The following SPIDR variants were observed in gnomAD, a reference collection of about 807,000 sequenced individuals.
SPIDR encodes the protein scaffold protein involved in DNA repair.
SPIDR carries 93 observed loss-of-function variants against 104.6 expected under a neutral mutation model. The ratio of observed to expected loss-of-function variants is 0.89; its 90% CI spans 0.75 to 1.06. SPIDR has a LOEUF of 1.06. Ranked by LOEUF, SPIDR falls within the 50% of genes least tolerant of loss-of-function variation. The pLI, the probability that SPIDR is intolerant of heterozygous loss-of-function variation, is 0.00. For missense variants in SPIDR, 1,154 were observed against 1,111.2 expected, an observed-to-expected ratio of 1.04 and a Z score of -0.55; for synonymous variants, 431 against 416.9, an observed-to-expected ratio of 1.03 and a Z score of -0.41.
chr8:47,722,575 C>G (rs951610096), intron 16 of SPIDR, among the ~76,000 whole-genome samples: 2 of 152,190 alleles, frequency 1.3e-5, no homozygotes, highest in African/African-American at 4.8e-5. Flanking sequence ...TTTTATTACA[C>G]TCTTCTTTTC....
chr8:47,697,758 T>G (rs989451568), intron 11 of SPIDR: 4 of 152,622 alleles, frequency 2.6e-5, no homozygotes, highest in Non-Finnish European at 5.9e-5. Context: ...TTGCCGCTCT[T>G]CAAATACAGC....
chr8:47,412,906 T>A (rs1356537065), intron 7 of SPIDR, among the ~76,000 whole-genome samples: 1 of 152,244 alleles, frequency 6.6e-6, no homozygotes, highest in Admixed American at 6.5e-5. Flanking sequence ...ATTATAAACT[T>A]CTTTTGTTCT....
chr8:47,721,118 A>C (rs1734765147), intron 16 of SPIDR, among the ~76,000 whole-genome samples: 1 of 152,200 alleles, frequency 6.6e-6, no homozygotes, highest in African/African-American at 2.4e-5. Flanking sequence ...ATGAAGTCTC[A>C]CATCAGTTGT....
At chr8:47,520,267 C>T (rs926864321) in intron 8 of SPIDR, among the ~76,000 whole-genome samples, 13 of 152,060 alleles carry the variant, frequency 8.5e-5, no homozygotes, top group Non-Finnish European at 1.8e-4. Flanking sequence ...TAAATGATCC[C>T]CCAGCTTGTT....
chr8:47,725,474 C>T (rs987014643), intron 16 of SPIDR, among the ~76,000 whole-genome samples: 18 of 152,102 alleles, frequency 1.2e-4, no homozygotes, highest in African/African-American at 4.3e-4. Flanking sequence ...TGACTACAAC[C>T]TCTGCCTCCT....
At chr8:47,498,185 GTC>G (rs1328820730) in intron 8 of SPIDR, among the ~76,000 whole-genome samples, 6 of 152,106 alleles carry the variant, frequency 3.9e-5, no homozygotes, top group South Asian at 4.1e-4. Context: ...CTCTCTCTCT[GTC>G]TCTCTTTCTC....
chr8:47,500,819 A>G (rs1443793385), intron 8 of SPIDR, among the ~76,000 whole-genome samples: 1 of 152,182 alleles, frequency 6.6e-6, no homozygotes. Context: ...TAATTTTTAT[A>G]TAAGGTGTAA....
At chr8:47,404,208 G>A (rs1226899522) in intron 6 of SPIDR, among the ~76,000 whole-genome samples, 3 of 152,176 alleles carry the variant, frequency 2.0e-5, no homozygotes, top group Non-Finnish European at 2.9e-5. Context: ...ATTCAAGATG[G>A]ATTAAAGCAT....
At chr8:47,326,065 C>T (rs2047610865) in intron 5 of SPIDR, among the ~76,000 whole-genome samples, 2 of 152,184 alleles carry the variant, frequency 1.3e-5, no homozygotes, top group Admixed American at 1.3e-4. Flanking sequence ...GATCTCACAG[C>T]TCACTGCAGC....
rs1218794061 is a variant in SPIDR at position 47,628,434 on chromosome 8, A to G, written c.1544+29238A>G. On this transcript the variant is annotated intron_variant, in intron 10 of 19. Coordinates refer to ENST00000297423, the MANE Select transcript of SPIDR (RefSeq NM_001080394.4). ...AATCATTAGTTTAGGATACATTAAT[A>G]TAAGTTGAGCATCCCTAAGCCAAAA... Among the ~76,000 whole-genome samples the G allele has an allele frequency of 2.6e-5, 4 of 152,230 alleles. No homozygotes were observed. In the East Asian group the frequency reaches 7.7e-4, roughly 29 times the overall value.
intron 8 of SPIDR, among the ~76,000 whole-genome samples, chr8:47,523,641 A>G (rs969997934): frequency 6.6e-6 from 1 of 152,164 alleles, no homozygotes; most frequent in African/African-American, 2.4e-5. Flanking sequence ...AGGCTGGATC[A>G]TGGATGCGAC....
intron 14 of SPIDR, among the ~76,000 whole-genome samples, chr8:47,711,830 A>G (rs1472410077): frequency 1.4e-4 from 22 of 152,208 alleles, no homozygotes; most frequent in Admixed American, 1.4e-3. Context: ...TTACTTATTC[A>G]TACTTCCTGT....
chr8:47,399,457 T>C (rs1554660899), intron 6 of SPIDR, among the ~76,000 whole-genome samples: 1 of 152,130 alleles, frequency 6.6e-6, no homozygotes, highest in East Asian at 1.9e-4. Context: ...TTCCAGTAAA[T>C]AGGGCAGTCC....
intron 10 of SPIDR, among the ~76,000 whole-genome samples, chr8:47,634,684 A>G (rs1256554322): frequency 6.6e-6 from 1 of 152,062 alleles, no homozygotes; most frequent in African/African-American, 2.4e-5. Context: ...TGGCTGTGGT[A>G]CCCCTGCCCA....
At chr8:47,290,102 C>T (rs1402976618) in intron 3 of SPIDR, among the ~76,000 whole-genome samples, 3 of 152,028 alleles carry the variant, frequency 2.0e-5, no homozygotes, top group South Asian at 2.1e-4. Flanking sequence ...TGCAGTGGCT[C>T]GATCTCAGCT....
chr8:47,577,104 A>C (rs2059215771), intron 8 of SPIDR, among the ~76,000 whole-genome samples: 1 of 152,266 alleles, frequency 6.6e-6, no homozygotes, highest in African/African-American at 2.4e-5. Context: ...GATGTTCTTC[A>C]AATTGTGATT....
At position 47,279,981 on chromosome 8, in the gene SPIDR, G is replaced by C; in HGVS notation, c.153G>C (p.Arg51Ser). The change falls in exon 2 of 20, where the codon AGG becomes AGC. Residue 51 changes from arginine (R) to serine (S), a missense_variant. Coordinates refer to ENST00000297423, the MANE Select transcript of SPIDR (RefSeq NM_001080394.4). ...AAASLSEAWL[R>S]CGEGFQNTSG... is the part of the protein sequence containing the mutation. ...CCTCTCTCTCTGAAGCATGGCTCAG[G>C]TGTGGAGAAGGGTTTCAGAACACTT... 2 of 1,614,172 alleles carry C rather than the reference G, an allele frequency of 1.2e-6. No individual in the cohort carries two copies. Among genetic ancestry groups the C allele is most frequent in the Non-Finnish European group, 1.7e-6 (2 of 1,180,014 alleles).
intron 5 of SPIDR, among the ~76,000 whole-genome samples, chr8:47,363,502 A>T (rs1309326767): frequency 9.5e-3 from 303 of 31,946 alleles, no homozygotes; most frequent in Admixed American, 0.027. Flanking sequence ...ACCTTTTTTA[A>T]AAAAAAAAAA....
rs753126834 is a variant in SPIDR, at chr8:47,735,313, G to A, written c.2611G>A (p.Glu871Lys). 8.7e-6 allele frequency: 14 copies of A among 1,614,044 alleles called. No homozygotes were observed. In the Middle Eastern group the frequency reaches 8.2e-4, roughly 95 times the overall value. Reference sequence around the variant, plus strand: ...GTGCCTTTTATCACTGCAGAGCTACGAAGTGAAGAGTGTCCTCGGAAAGGA... The same window carrying A: ...GTGCCTTTTATCACTGCAGAGCTACAAAGTGAAGAGTGTCCTCGGAAAGGA... The part of the protein sequence containing the change: ...RFAAGEDGSY[E>K]VKSVLGKEVG... Residue 871 changes from glutamate to lysine, a missense_variant, in exon 20 of 20, where the codon GAA becomes AAA. By Grantham distance (56) the Glu-to-Lys change is moderately conservative. Transcript: ENST00000297423.
Sources: allele counts gnomAD v4.1 joint callset (sites outside exome capture counted in the v4.1 genomes callset), GRCh38; gene constraint gnomAD v4.1.1; transcripts MANE v1.5; gene names NCBI Gene and HGNC (gene_info 2026-07-23, HGNC 2026-07-21).